KMT2C: variants seen among roughly 807,000 people sequenced by gnomAD.
KMT2C encodes histone-lysine N-methyltransferase 2C.
In KMT2C, 88 loss-of-function variants were observed where a neutral mutation model predicts 507.9. The observed-to-expected ratio is 0.17, with a 90% CI of 0.15 to 0.21. KMT2C has a LOEUF of 0.21. Ranked by LOEUF, KMT2C falls within the 10% of genes least tolerant of loss-of-function variation. KMT2C has a pLI of 1.00. For synonymous variants in KMT2C, 2,049 were observed against 2,080.8 expected, an observed-to-expected ratio of 0.98 and a Z score of 0.42; for missense variants, 4,954 against 5,957.8, an observed-to-expected ratio of 0.83 and a Z score of 5.55.
chr7:152,138,954 C>T lies in KMT2C; in HGVS notation c.14535-50G>A. On this transcript the variant is annotated intron_variant, in intron 57 of 58. Coordinates refer to ENST00000262189, the MANE Select transcript of KMT2C (RefSeq NM_170606.3). The surrounding 1 kb of genome is among the most constrained non-coding windows in gnomAD (Gnocchi z 4.2). ...TGTATTGTAAAACAGCTAGAAGCAGCTTTAAAAACTTCCCATTTATTGATA... is the reference window on the plus strand; with the variant it reads ...TGTATTGTAAAACAGCTAGAAGCAGTTTTAAAAACTTCCCATTTATTGATA... 1.5e-6 allele frequency: 2 copies of T among 1,377,060 alleles called. No homozygotes were observed. Among genetic ancestry groups the T allele is most frequent in the Middle Eastern group, 1.8e-4 (1 of 5,578 alleles). 85.3% of individuals were successfully genotyped at this position (1,377,060 alleles called of 1,614,324 possible).
At chr7:152,142,702 T>C (rs764148229) in intron 55 of KMT2C, among the ~76,000 whole-genome samples, 1 of 152,240 alleles carries the variant, frequency 6.6e-6, no homozygotes, top group Non-Finnish European at 1.5e-5. Flanking sequence ...AGTAATGCAA[T>C]GGTTTAACTG....
chr7:152,139,328 C>A (rs1046360876), intron 56 of KMT2C, 69 bp from the exon 57 acceptor site: 1 of 1,418,628 alleles, frequency 7.0e-7, no homozygotes, highest in African/African-American at 1.4e-5. Flanking sequence ...CCTATCCACA[C>A]CAGGAGGACT....
intron 1 of KMT2C, among the ~76,000 whole-genome samples, chr7:152,387,427 C>T (rs948732242): frequency 1.4e-4 from 18 of 127,456 alleles, no homozygotes; most frequent in African/African-American, 6.0e-4. Context: ...TACTAGTATG[C>T]CAAAAAAAAA....
At chr7:152,240,184 A>G (rs1314482317) in intron 14 of KMT2C, among the ~76,000 whole-genome samples, 1 of 152,032 alleles carries the variant, frequency 6.6e-6, no homozygotes, top group Non-Finnish European at 1.5e-5. Flanking sequence ...AGCAGCAACC[A>G]CTGCAGGTCA....
chr7:152,427,161 G>T (rs1001474913), intron 1 of KMT2C, among the ~76,000 whole-genome samples: 2 of 151,874 alleles, frequency 1.3e-5, no homozygotes, highest in African/African-American at 2.4e-5. Flanking sequence ...GATTACAGGC[G>T]CCTGCCACCA....
chr7:152,275,713 C>G (rs951375118), intron 6 of KMT2C, among the ~76,000 whole-genome samples: 14 of 152,118 alleles, frequency 9.2e-5, no homozygotes, highest in African/African-American at 3.4e-4. Flanking sequence ...ACTACAAATA[C>G]AACACCTCGG....
chr7:152,253,514 CAAAA>C (rs71198770), intron 9 of KMT2C, among the ~76,000 whole-genome samples: 70 of 39,504 alleles, frequency 1.8e-3, no homozygotes, highest in African/African-American at 4.6e-3. Context: ...TCTTTCTCTA[CAAAA>C]AAAAAAAAAA....
intron 54 of KMT2C, 128 bp from the exon 55 acceptor site, chr7:152,145,009 A>G: frequency 7.3e-7 from 1 of 1,368,668 alleles, no homozygotes; most frequent in Non-Finnish European, 1.0e-6. Flanking sequence ...TGCCTAGCAG[A>G]GACACACGGC....
Position 152,271,785 on chromosome 7 carries a change from C to T in KMT2C, c.1012+1920G>A, listed in dbSNP as rs149315531. Among the ~76,000 whole-genome samples, 257 of 151,222 alleles carry T rather than the reference C, an allele frequency of 1.7e-3. 5 individuals carry two copies. The East Asian group carries it at 0.042, about 25-fold the overall frequency. ...TGCTATAAGAAACAGCCCTATGAAA[C>T]TGATATTTTTCTACTGCAAGGTGGC... is the stretch of plus-strand genomic sequence containing the variant. On this transcript the variant is annotated intron_variant, in intron 7 of 58. Transcript: ENST00000262189.
chr7:152,187,213 G>T (rs781047185), intron 33 of KMT2C, 49 bp downstream of exon 33: 3 of 1,447,044 alleles, frequency 2.1e-6, no homozygotes, highest in Non-Finnish European at 2.9e-6. Context: ...AAAAGGTATT[G>T]CACATGTGAA....
intron 6 of KMT2C, among the ~76,000 whole-genome samples, chr7:152,286,138 T>G (rs1246928558): frequency 6.6e-6 from 1 of 152,406 alleles, no homozygotes; most frequent in African/African-American, 2.4e-5. Context: ...GTAAAAACAC[T>G]GGGAAGAAAA....
rs748849089 is a variant in KMT2C at position 152,155,980 on chromosome 7, G to T, written c.11890C>A (p.Gln3964Lys). The T allele has an allele frequency of 1.2e-6, 2 of 1,610,888 alleles. No homozygotes were observed. Among genetic ancestry groups the T allele is most frequent in the Non-Finnish European group, 1.7e-6 (2 of 1,179,362 alleles). ...QDDLLARALA[Q>K]GPKTVDVPAS... ...GGCACATCAACTGTCTTGGGGCCCT[G>T]AGCAAGAGCTCGGGCCAACAAGTCG... Residue 3964 changes from glutamine (Q) to lysine (K), a missense_variant, in exon 46 of 59, where the codon CAG becomes AAG. Gln to Lys is a moderately conservative substitution (Grantham distance 53). Around this residue, in one of 29 missense-constraint regions of KMT2C, gnomAD observed 104 missense variants for 134.3 expected, o/e 0.77. Coordinates refer to ENST00000262189, the MANE Select transcript of KMT2C (RefSeq NM_170606.3).
chr7:152,283,589 C>T (rs1242128184), intron 6 of KMT2C, among the ~76,000 whole-genome samples: 1 of 152,152 alleles, frequency 6.6e-6, no homozygotes, highest in Admixed American at 6.5e-5. Context: ...ACAGATAAAA[C>T]GAGTTTCTCC....
At chr7:152,179,235 A>G (rs1166996537) in intron 37 of KMT2C, among the ~76,000 whole-genome samples, 1 of 152,228 alleles carries the variant, frequency 6.6e-6, no homozygotes, top group Non-Finnish European at 1.5e-5. Context: ...ACCTCAAGTG[A>G]TCCGCCCACC....
At chr7:152,255,503 A>G (rs1048674915) in intron 9 of KMT2C, among the ~76,000 whole-genome samples, 7 of 152,016 alleles carry the variant, frequency 4.6e-5, no homozygotes, top group Admixed American at 2.0e-4. Context: ...AAAAATTCCA[A>G]TGAGGTTTTT....
rs1563144284 is a variant in KMT2C, at chr7:152,148,212, G to A, written c.13715C>T (p.Pro4572Leu). 2.5e-6 allele frequency: 4 copies of A among 1,614,224 alleles called. No individual in the cohort carries two copies. Among genetic ancestry groups the A allele is most frequent in the Non-Finnish European group, 2.5e-6 (3 of 1,180,034 alleles). The change falls in exon 52 of 59, where the codon CCT becomes CTT. Residue 4572 changes from proline to leucine, a missense_variant. By Grantham distance (98) the Pro-to-Leu change is moderately conservative. Coordinates refer to ENST00000262189, the MANE Select transcript of KMT2C (RefSeq NM_170606.3). This position sits in a 1 kb window ranked among gnomAD's most constrained non-coding sequence, Gnocchi z 7.1. The part of the protein sequence containing the change: ...LPQQMQAFHS[P>L]KALFPVGYEA... The stretch of plus-strand genomic sequence containing the variant: ...ATAGCCCACAGGGAAGAGTGCTTTA[G>A]GAGAATGGAATGCTTGCATCTGCTG...
intron 8 of KMT2C, 86 bp from the exon 9 acceptor site, chr7:152,263,216 G>C (rs2095808716): frequency 1.8e-6 from 2 of 1,134,250 alleles, no homozygotes; most frequent in Non-Finnish European, 2.6e-6. Flanking sequence ...TCAGTCCTGG[G>C]AACTGCACAG....
chr7:152,275,515 T>C (rs902823378), intron 6 of KMT2C, among the ~76,000 whole-genome samples: 1 of 152,182 alleles, frequency 6.6e-6, no homozygotes, highest in Non-Finnish European at 1.5e-5. Context: ...TTATATAATA[T>C]TATAAGTATA....
chr7:152,334,672 T>C (rs2096917629), intron 2 of KMT2C, among the ~76,000 whole-genome samples: 1 of 151,894 alleles, frequency 6.6e-6, no homozygotes, highest in Admixed American at 6.6e-5. Flanking sequence ...CACTAAATTA[T>C]AGTCCCCTTT....
Sources: gnomAD v4.1 joint callset for allele counts (sites outside exome capture counted in the v4.1 genomes callset) on GRCh38, gnomAD v4.1.1 for gene constraint, gnomAD v4.1.1 regional missense constraint, Gnocchi (gnomAD v3.1) non-coding constraint, MANE v1.5 for transcripts, NCBI Gene and HGNC (gene_info 2026-07-23, HGNC 2026-07-21) for gene names.